Variants in HNF1A observed in about 807,000 individuals in gnomAD.
HNF1A encodes the protein hepatocyte nuclear factor 1-alpha.
Under a neutral mutation model 62.2 loss-of-function variants are expected in HNF1A, and 21 were observed. The ratio of observed to expected loss-of-function variants is 0.34; its 90% CI spans 0.24 to 0.49. The LOEUF is 0.49. Among genes scored for constraint, HNF1A ranks in the 20% least tolerant of loss-of-function variants. HNF1A has a pLI of 0.99. For synonymous variants in HNF1A, 374 were observed against 366.8 expected, an observed-to-expected ratio of 1.02 and a Z score of -0.22; for missense variants, 687 against 832.3, an observed-to-expected ratio of 0.83 and a Z score of 2.15.
intron 2 of HNF1A, among the ~76,000 whole-genome samples, chr12:120,991,947 C>A (rs951823040): frequency 2.0e-5 from 3 of 152,150 alleles, no homozygotes; most frequent in African/African-American, 7.2e-5. Flanking sequence ...GGACTTCAGC[C>A]TAGAGCTGAG....
At chr12:120,997,296 G>C in intron 6 of HNF1A, 178 bp from the exon 7 acceptor site, 1 of 1,395,410 alleles carries the variant, frequency 7.2e-7, no homozygotes, top group Non-Finnish European at 9.4e-7. Context: ...GAGGGGGAAT[G>C]ACTTGCCAGA....
At position 120,993,551 on chromosome 12, in the gene HNF1A, T is replaced by G; in HGVS notation, c.558T>G (p.Ile186Met). ...QFTHAGQGGL[I>M]EEPTGDELPT... ...CCCATGCAGGGCAGGGAGGGCTGAT[T>G]GAAGAGCCCACAGGTGATGAGCTAC... Residue 186 changes from isoleucine (I) to methionine (M), a missense_variant, in exon 3 of 10, where the codon ATT (isoleucine) becomes ATG (methionine). By Grantham distance (10) the Ile-to-Met change is conservative. This residue lies in a region of HNF1A where 47 missense variants were observed against 52.5 expected (regional missense o/e 0.90). Transcript: ENST00000257555. 1 of 1,614,046 alleles carries G rather than the reference T, an allele frequency of 6.2e-7. No homozygotes were observed. The highest frequency in any genetic ancestry group is 8.5e-7 in the Non-Finnish European group (1 of 1,180,006).
At position 120,999,607 on chromosome 12, in the gene HNF1A, G is replaced by C. The variant is rs137853242; in HGVS notation, c.1748G>C (p.Arg583Pro). ...ASIQHLQPAHRLSASPTVSSS... is the reference protein window; with the variant it reads ...ASIQHLQPAHPLSASPTVSSS... ...ATCCAGCACCTGCAGCCGGCCCACC[G>C]GCTCAGCGCCAGCCCCACAGGTGAG... is the stretch of plus-strand genomic sequence containing the variant. Residue 583 changes from arginine (R) to proline (P), a missense_variant, in exon 9 of 10, where the codon CGG (arginine) becomes CCG (proline). Physicochemically the swap from Arg to Pro is moderately radical, Grantham distance 103. This residue lies in a region of HNF1A where 408 missense variants were observed against 455.3 expected (regional missense o/e 0.90). Coordinates refer to ENST00000257555, the MANE Select transcript of HNF1A (RefSeq NM_000545.8). 1 of 1,611,352 alleles carries C rather than the reference G, an allele frequency of 6.2e-7. No homozygotes were observed. Among genetic ancestry groups the C allele is most frequent in the South Asian group, 1.1e-5 (1 of 90,970 alleles).
At position 120,979,057 on chromosome 12, in the gene HNF1A, G is replaced by A; in HGVS notation, c.289G>A (p.Ala97Thr). 1 of 1,612,162 alleles carries A rather than the reference G, an allele frequency of 6.2e-7. No homozygotes were observed. Among genetic ancestry groups the A allele is most frequent in the Non-Finnish European group, 8.5e-7 (1 of 1,179,276 alleles). ...GCTGGAGAACCTCAGCCCTGAGGAG[G>A]CGGCCCACCAGAAAGCCGTGGTGGA... The part of the protein sequence containing the change: ...KELENLSPEE[A>T]AHQKAVVETL... The change falls in exon 1 of 10, where the codon GCG (alanine) becomes ACG (threonine). Residue 97 changes from alanine (A) to threonine (T), a missense_variant. By Grantham distance (58) the Ala-to-Thr change is moderately conservative. Coordinates refer to ENST00000257555, the MANE Select transcript of HNF1A (RefSeq NM_000545.8).
intron 3 of HNF1A, 148 bp downstream of exon 3, chr12:120,993,854 A>T (rs1876948458): frequency 5.5e-6 from 5 of 910,402 alleles, no homozygotes; most frequent in Non-Finnish European, 8.3e-6. Flanking sequence ...AATTGAGAAT[A>T]CTTGAACCTA....
intron 1 of HNF1A, among the ~76,000 whole-genome samples, chr12:120,987,069 AG>A (rs1876545874): frequency 1.3e-5 from 2 of 152,120 alleles, no homozygotes; most frequent in Non-Finnish European, 2.9e-5. Flanking sequence ...GGTCCCTTTG[AG>A]TCTCTCTGGT....
intron 7 of HNF1A, chr12:120,997,874 C>A: frequency 1.4e-6 from 1 of 710,340 alleles, no homozygotes. Flanking sequence ...GTGAGCAGAT[C>A]CCTAGTGCGT....
rs145314420 is a variant in HNF1A at position 120,978,870 on chromosome 12, G to A, written c.102G>A (p.Gly34=). The change falls in exon 1 of 10, where the codon GGG becomes GGA. Residue 34 remains glycine, a synonymous_variant. Coordinates refer to ENST00000257555, the MANE Select transcript of HNF1A (RefSeq NM_000545.8). ...EALIQALGEP[G]PYLLAGEGPL... ...TGATCCAGGCACTGGGTGAGCCGGGGCCCTACCTCCTGGCTGGAGAAGGCC... is the reference window on the plus strand; with the variant it reads ...TGATCCAGGCACTGGGTGAGCCGGGACCCTACCTCCTGGCTGGAGAAGGCC... 2 of 1,613,436 alleles carry A rather than the reference G, an allele frequency of 1.2e-6. No homozygotes were observed. Among genetic ancestry groups the A allele is most frequent in the Non-Finnish European group, 1.7e-6 (2 of 1,179,818 alleles).
chr12:120,993,449 C>T (rs1214788909), intron 2 of HNF1A, 71 bp from the exon 3 acceptor site: 6 of 1,484,108 alleles, frequency 4.0e-6, no homozygotes, highest in Non-Finnish European at 5.6e-6. Context: ...GAATCAAGGG[C>T]AAGGTCAGGG....
At chr12:120,991,653 A>G (rs1000446652) in intron 2 of HNF1A, among the ~76,000 whole-genome samples, 1 of 152,166 alleles carries the variant, frequency 6.6e-6, no homozygotes. Context: ...GCATGCATGC[A>G]TGCATGCAAT....
At chr12:120,990,289 C>A (rs1309609368) in intron 2 of HNF1A, among the ~76,000 whole-genome samples, 12 of 152,148 alleles carry the variant, frequency 7.9e-5, no homozygotes, top group Non-Finnish European at 1.3e-4. Context: ...CTACAGGTGC[C>A]CGCCACCACG....
chr12:121,002,503 G>A lies in HNF1A; in HGVS notation c.*1311G>A, dbSNP rs1196170628. On this transcript the variant is annotated 3_prime_UTR_variant, in exon 10 of 10. Transcript: ENST00000257555. Reference sequence around the variant, plus strand: ...ACTTTTAGTAAAGTCAAGGAGAAATGCGGTGGAAACTTCTTGCTTGTCCAC... The same window carrying A: ...ACTTTTAGTAAAGTCAAGGAGAAATACGGTGGAAACTTCTTGCTTGTCCAC... The A allele has an allele frequency of 2.0e-6, 1 of 510,872 alleles. No homozygotes were observed. Among genetic ancestry groups the A allele is most frequent in the Non-Finnish European group, 3.8e-6 (1 of 260,500 alleles). The allele number at this position is 510,872 out of a possible 1,614,324, so 31.6% of individuals were successfully genotyped here. A position where few individuals can be genotyped will look rare whatever the true frequency, so the allele number is the denominator to read the frequency against.
In HNF1A at chr12:120,990,224, C is replaced by T. The variant is rs555946654; in HGVS notation, c.526+1192C>T. 2.7e-3 allele frequency among the ~76,000 whole-genome samples: 415 copies of T among 152,178 alleles called. 3 individuals carry two copies. Among genetic ancestry groups the T allele is most frequent in the African/African-American group, 9.4e-3 (389 of 41,498 alleles). On this transcript the variant is annotated intron_variant, in intron 2 of 9. Transcript: ENST00000257555. ...TGGCGTGATCTCGGCTCACTGCAAG[C>T]TCCGCCTTCCGGGTTCATGCCATTC...
chr12:120,996,968 C>A lies in HNF1A; in HGVS notation c.1309+226C>A. On this transcript the variant is annotated intron_variant, in intron 6 of 9. Coordinates refer to ENST00000257555, the MANE Select transcript of HNF1A (RefSeq NM_000545.8). This position sits in a 1 kb window ranked among gnomAD's most constrained non-coding sequence, Gnocchi z 4.5. ...AGGGAGGCAGGCACTAAGCATAATA[C>A]ATCAATTCTGTGGTACCTCAGAAGG... The A allele has an allele frequency of 6.7e-7, 1 of 1,499,866 alleles. No homozygotes were observed. Among genetic ancestry groups the A allele is most frequent in the Non-Finnish European group, 9.1e-7 (1 of 1,104,270 alleles). The allele number at this position is 1,499,866 out of a possible 1,614,324, so 92.9% of individuals were successfully genotyped here.
At position 121,001,531 on chromosome 12, in the gene HNF1A, G is replaced by T; in HGVS notation, c.*339G>T. 1 of 450,052 alleles carries T rather than the reference G, an allele frequency of 2.2e-6. No homozygotes were observed. The highest frequency in any genetic ancestry group is 3.9e-5 in the East Asian group (1 of 25,342). 27.9% of individuals were successfully genotyped at this position (450,052 alleles called of 1,614,324 possible). A position where few individuals can be genotyped will look rare whatever the true frequency, so the allele number is the denominator to read the frequency against. ...TATGACTTGGGCACCCCCAGCCTGGGCCTATGGAGAGCCCTGGGACCGCTA... is the reference window on the plus strand; with the variant it reads ...TATGACTTGGGCACCCCCAGCCTGGTCCTATGGAGAGCCCTGGGACCGCTA... On this transcript the variant is annotated 3_prime_UTR_variant, in exon 10 of 10. Transcript: ENST00000257555.
Position 120,978,896 on chromosome 12 carries a change from C to T in HNF1A, c.128C>T (p.Pro43Leu). The change falls in exon 1 of 10, where the codon CCC becomes CTC. Residue 43 changes from proline (P) to leucine (L), a missense_variant. Coordinates refer to ENST00000257555, the MANE Select transcript of HNF1A (RefSeq NM_000545.8). ...PGPYLLAGEG[P>L]LDKGESCGGG... Reference sequence around the variant, plus strand: ...CCCTACCTCCTGGCTGGAGAAGGCCCCCTGGACAAGGGGGAGTCCTGCGGC... The same window carrying T: ...CCCTACCTCCTGGCTGGAGAAGGCCTCCTGGACAAGGGGGAGTCCTGCGGC... 6.2e-7 allele frequency: 1 copy of T among 1,613,270 alleles called. No individual in the cohort carries two copies. The highest frequency in any genetic ancestry group is 8.5e-7 in the Non-Finnish European group (1 of 1,179,728).
chr12:121,000,357 T>A (rs1264033933), intron 9 of HNF1A: 2 of 157,700 alleles, frequency 1.3e-5, no homozygotes, highest in African/African-American at 4.8e-5. Flanking sequence ...ATTTTACAGA[T>A]GAGAAAGTGG....
chr12:120,998,927 G>A (rs147375161), intron 7 of HNF1A, among the ~76,000 whole-genome samples: 109 of 152,248 alleles, frequency 7.2e-4, no homozygotes, highest in Non-Finnish European at 1.3e-3. Flanking sequence ...TAGCACCTGC[G>A]CTTAGTACGT....
rs780903814 is a variant in HNF1A at position 120,989,049 on chromosome 12, C to T, written c.526+17C>T. 3 of 1,613,268 alleles carry T rather than the reference C, an allele frequency of 1.9e-6. No homozygotes were observed. Among genetic ancestry groups the T allele is most frequent in the South Asian group, 1.1e-5 (1 of 91,024 alleles). ...TGGCGCAGCGTAAGTAATGACCCTA[C>T]CCCGCATCTTCCCTGGGAGGGCCCA... On this transcript the variant is annotated intron_variant, in intron 2 of 9. Coordinates refer to ENST00000257555, the MANE Select transcript of HNF1A (RefSeq NM_000545.8).
Sources: gnomAD v4.1 joint callset for allele counts (sites outside exome capture counted in the v4.1 genomes callset) on GRCh38, gnomAD v4.1.1 for gene constraint, gnomAD v4.1.1 regional missense constraint, Gnocchi (gnomAD v3.1) non-coding constraint, MANE v1.5 for transcripts, NCBI Gene and HGNC (gene_info 2026-07-23, HGNC 2026-07-21) for gene names.